Variants in C1orf141 observed in about 807,000 individuals in gnomAD.
C1orf141 encodes uncharacterized protein C1orf141.
Under a neutral mutation model 23.2 loss-of-function variants are expected in C1orf141, and 19 were observed. The observed-to-expected ratio is 0.82, with a 90% CI of 0.57 to 1.20. The LOEUF (loss-of-function observed/expected upper bound fraction) is 1.20. Ranked by LOEUF, C1orf141 falls within the 50% of genes most tolerant of loss-of-function variation. C1orf141 has a pLI of 0.00. For missense variants in C1orf141, 469 were observed against 455.1 expected (o/e 1.03, Z -0.28); for synonymous variants, 153 against 154.6 (o/e 0.99, Z 0.08).
At chr1:67,109,859 T>C (rs1646027044) in intron 5 of C1orf141, among the ~76,000 whole-genome samples, 1 of 151,998 alleles carries the variant, frequency 6.6e-6, no homozygotes, top group South Asian at 2.1e-4. Flanking sequence ...AACATAAAAG[T>C]GTACTGAACA....
intron 5 of C1orf141, among the ~76,000 whole-genome samples, chr1:67,109,510 C>T (rs907311863): frequency 1.3e-5 from 2 of 152,098 alleles, no homozygotes; most frequent in African/African-American, 2.4e-5. Context: ...GAATGGATTA[C>T]ACACAATAGA....
chr1:67,127,967 T>C (rs949370376), intron 2 of C1orf141, among the ~76,000 whole-genome samples: 4 of 152,098 alleles, frequency 2.6e-5, no homozygotes, highest in Non-Finnish European at 5.9e-5. Flanking sequence ...CTGTTTTCTT[T>C]TTGTCATGAT....
chr1:67,125,929 A>C lies in C1orf141; in HGVS notation c.76-20T>G. 1 of 75,316 alleles carries C rather than the reference A, an allele frequency of 1.3e-5. No homozygotes were observed. Among genetic ancestry groups the C allele is most frequent in the Non-Finnish European group, 1.6e-5 (1 of 61,816 alleles). The allele number at this position is 75,316 out of a possible 1,614,324, so 4.7% of individuals were successfully genotyped here. ...GTTTATCTGCAGCAATGCCAAAGTG[A>C]AAAAAAAAAAAAAAAAAAGAGTACT... is the stretch of plus-strand genomic sequence containing the variant. On this transcript the variant is annotated intron_variant, in intron 3 of 7. Coordinates refer to ENST00000684719, the MANE Select transcript of C1orf141 (RefSeq NM_001276351.2).
chr1:67,106,912 A>G lies in C1orf141; in HGVS notation c.346+8440T>C, dbSNP rs182789557. ...AATAGAAATTACTTAATATGAAAAA[A>G]TAGAGATTCAGGAACCTGTAGGACA... On this transcript the variant is annotated intron_variant, in intron 5 of 7. Coordinates refer to ENST00000684719, the MANE Select transcript of C1orf141 (RefSeq NM_001276351.2). 3.1e-3 allele frequency among the ~76,000 whole-genome samples: 466 copies of G among 152,342 alleles called. 2 individuals are homozygous for G. Among genetic ancestry groups the G allele is most frequent in the Non-Finnish European group, 4.8e-3 (326 of 68,028 alleles).
At chr1:67,117,151 G>A (rs1268624960) in intron 4 of C1orf141, among the ~76,000 whole-genome samples, 7 of 152,148 alleles carry the variant, frequency 4.6e-5, no homozygotes, top group Non-Finnish European at 8.8e-5. Context: ...GGCCGGGCGC[G>A]GTGGCTAATG....
intron 5 of C1orf141, among the ~76,000 whole-genome samples, chr1:67,108,041 G>A (rs528376602): frequency 6.6e-6 from 1 of 152,162 alleles, no homozygotes; most frequent in South Asian, 2.1e-4. Flanking sequence ...TTCATTCTGG[G>A]GATAGACTTA....
At chr1:67,124,933 A>C (rs1043202640) in intron 4 of C1orf141, among the ~76,000 whole-genome samples, 1 of 152,222 alleles carries the variant, frequency 6.6e-6, no homozygotes, top group Admixed American at 6.5e-5. Context: ...CCAATGTCCA[A>C]TTAATTTGAA....
At chr1:67,125,146 A>T (rs556504063) in intron 4 of C1orf141, among the ~76,000 whole-genome samples, 1 of 152,344 alleles carries the variant, frequency 6.6e-6, no homozygotes, top group South Asian at 2.1e-4. Context: ...TAAGTATATC[A>T]GTTAAAGTTT....
At chr1:67,132,364 C>G (rs2102510372) in intron 1 of C1orf141, among the ~76,000 whole-genome samples, 1 of 151,012 alleles carries the variant, frequency 6.6e-6, no homozygotes, top group East Asian at 2.0e-4. Flanking sequence ...ACTAAAAATA[C>G]AAAAAAAAAT....
intron 4 of C1orf141, 52 bp from the exon 5 acceptor site, chr1:67,115,516 A>G (rs1646176230): frequency 1.4e-6 from 1 of 736,512 alleles, no homozygotes; most frequent in Non-Finnish European, 2.2e-6. Flanking sequence ...AAATTACAAA[A>G]TAAATCTAAA....
upstream of C1orf141, among the ~76,000 whole-genome samples, chr1:67,135,476 C>T (rs547246508): frequency 5.3e-5 from 8 of 152,176 alleles, no homozygotes; most frequent in East Asian, 1.9e-4. Context: ...CACTGTATTA[C>T]GCAAGTTGTG....
chr1:67,112,565 G>A (rs1395452791), intron 5 of C1orf141, among the ~76,000 whole-genome samples: 1 of 152,032 alleles, frequency 6.6e-6, no homozygotes, highest in Non-Finnish European at 1.5e-5. Flanking sequence ...TTAGCTGAGT[G>A]TGGTGGTGTG....
intron 4 of C1orf141, among the ~76,000 whole-genome samples, chr1:67,118,316 T>G (rs1381179520): frequency 1.3e-5 from 2 of 152,128 alleles, no homozygotes; most frequent in Admixed American, 6.5e-5. Context: ...AATATCAGAA[T>G]TGTGAGTCAT....
chr1:67,102,561 A>T (rs1385876790), intron 5 of C1orf141: 1 of 152,092 alleles, frequency 6.6e-6, no homozygotes, highest in Non-Finnish European at 1.5e-5. Flanking sequence ...AATAGTTGTC[A>T]TCATATTGTA....
chr1:67,100,039 T>C (rs1320596393), intron 5 of C1orf141, among the ~76,000 whole-genome samples: 1 of 152,230 alleles, frequency 6.6e-6, no homozygotes, highest in Non-Finnish European at 1.5e-5. Context: ...TGAGGTATAA[T>C]TTACGTACAA....
At chr1:67,106,704 T>C (rs537380067) in intron 5 of C1orf141, among the ~76,000 whole-genome samples, 1 of 151,964 alleles carries the variant, frequency 6.6e-6, no homozygotes, top group South Asian at 2.1e-4. Context: ...AAAACTATGC[T>C]TCATGAAAAA....
chr1:67,136,483 C>G (rs1646586218), upstream of C1orf141, among the ~76,000 whole-genome samples: 1 of 152,136 alleles, frequency 6.6e-6, no homozygotes, highest in Non-Finnish European at 1.5e-5. Flanking sequence ...AAAATTTGTA[C>G]AGAGGTGAAA....
chr1:67,102,021 C>T (rs781714883), intron 5 of C1orf141, among the ~76,000 whole-genome samples: 9 of 152,108 alleles, frequency 5.9e-5, no homozygotes, highest in East Asian at 1.9e-4. Flanking sequence ...CAAGCAACCG[C>T]GTCCTTCAAA....
intron 5 of C1orf141, among the ~76,000 whole-genome samples, chr1:67,101,659 A>G (rs1645803172): frequency 6.6e-6 from 1 of 152,052 alleles, no homozygotes; most frequent in Non-Finnish European, 1.5e-5. Context: ...TAGGGATAAA[A>G]TGTCCCACTT....
Sources: gnomAD v4.1 joint callset for allele counts (sites outside exome capture counted in the v4.1 genomes callset) on GRCh38, gnomAD v4.1.1 for gene constraint, MANE v1.5 for transcripts, NCBI Gene and HGNC (gene_info 2026-07-23, HGNC 2026-07-21) for gene names.